SLC8A1: variants seen among roughly 807,000 people sequenced by gnomAD.
The protein encoded by SLC8A1 is sodium/calcium exchanger 1.
A neutral mutation model predicts 68.3 loss-of-function variants in SLC8A1; 18 were observed. The ratio of observed to expected loss-of-function variants is 0.26; its 90% confidence interval spans 0.18 to 0.39. The LOEUF (loss-of-function observed/expected upper bound fraction) is 0.39, where lower values mean the gene tolerates loss of function less well. Among genes scored for constraint, SLC8A1 ranks in the 10% least tolerant of loss-of-function variants. The probability of loss-of-function intolerance (pLI) is 1.00; values close to 1 mark genes in which losing one functional copy is unlikely to be tolerated. For synonymous variants in SLC8A1, 475 were observed against 415.5 expected (o/e 1.14, Z -1.74); for missense variants, 985 against 1,156.7 (o/e 0.85, Z 2.15).
intron 2 of SLC8A1, among the ~76,000 whole-genome samples, chr2:40,200,249 T>TATAAATAA (rs1553408010): frequency 3.7e-4 from 10 of 26,990 alleles, no homozygotes; most frequent in African/African-American, 8.8e-4. Flanking sequence ...AATATATATA[T>TATAAATAA]ATATATATAT....
intron 2 of SLC8A1, among the ~76,000 whole-genome samples, chr2:40,355,514 G>A (rs934200285): frequency 2.0e-5 from 3 of 152,092 alleles, no homozygotes; most frequent in Non-Finnish European, 4.4e-5. Context: ...TAAATATCCT[G>A]AGAAAGATCA....
At chr2:40,432,045 C>G (rs555935273) in intron 1 of SLC8A1, among the ~76,000 whole-genome samples, 2 of 152,122 alleles carry the variant, frequency 1.3e-5, no homozygotes, top group East Asian at 3.9e-4. Flanking sequence ...TCAAAATATG[C>G]AAAAGTTCTG....
intron 2 of SLC8A1, among the ~76,000 whole-genome samples, chr2:40,268,671 G>A (rs1450281228): frequency 6.6e-6 from 1 of 152,130 alleles, no homozygotes; most frequent in Non-Finnish European, 1.5e-5. Flanking sequence ...GGTCACAGTT[G>A]GTAGGCTACT....
exon 8 of SLC8A1, chr2:40,108,132 A>C (rs2034327841): frequency 6.6e-6 from 1 of 152,222 alleles, no homozygotes; most frequent in Non-Finnish European, 1.5e-5. Flanking sequence ...TCAGCCTTTC[A>C]TAAATGAAAT....
chr2:40,386,256 ATTTT>A (rs2149576871), intron 2 of SLC8A1, among the ~76,000 whole-genome samples: 2 of 151,358 alleles, frequency 1.3e-5, no homozygotes, highest in East Asian at 3.9e-4. Flanking sequence ...AATTTATATT[ATTTT>A]ATTTTAGTTT....
At chr2:40,469,902 A>G (rs1703906505) in intron 1 of SLC8A1, among the ~76,000 whole-genome samples, 1 of 152,188 alleles carries the variant, frequency 6.6e-6, no homozygotes, top group South Asian at 2.1e-4. Flanking sequence ...GAATGTTTTC[A>G]GCAACCATTG....
chr2:40,245,268 T>A (rs185383512), intron 2 of SLC8A1, among the ~76,000 whole-genome samples: 1 of 114,194 alleles, frequency 8.8e-6, no homozygotes, highest in East Asian at 2.6e-4. Flanking sequence ...ACTCAGCTCT[T>A]TAGTTTGGGA....
At chr2:40,270,786 C>T (rs949219919) in intron 2 of SLC8A1, among the ~76,000 whole-genome samples, 5 of 152,052 alleles carry the variant, frequency 3.3e-5, no homozygotes, top group African/African-American at 1.2e-4. Flanking sequence ...TTCCACTTAC[C>T]ACAGGTGGTA....
At position 40,117,273 on chromosome 2, in the gene SLC8A1, G is replaced by A. The variant is rs564997354; in HGVS notation, c.2438-1644C>T. Among the ~76,000 whole-genome samples the A allele has an allele frequency of 6.0e-4, 91 of 151,668 alleles. 1 individual carries two copies. The South Asian group carries it at 9.6e-3, about 16-fold the overall frequency. On this transcript the variant is annotated intron_variant, in intron 7 of 7. Transcript: ENST00000406785. ...TTACATCAAAGTCCTGGCTGGGCAC[G>A]GTAGCTCATGCCTATAATCCCAGTA...
chr2:40,473,799 G>C (rs1576631956), intron 1 of SLC8A1, among the ~76,000 whole-genome samples: 1 of 152,076 alleles, frequency 6.6e-6, no homozygotes, highest in Non-Finnish European at 1.5e-5. Flanking sequence ...CCCAGTGGTG[G>C]GGAACTCATT....
intron 2 of SLC8A1, among the ~76,000 whole-genome samples, chr2:40,186,081 A>C (rs896379208): frequency 6.6e-6 from 1 of 152,180 alleles, no homozygotes; most frequent in Non-Finnish European, 1.5e-5. Flanking sequence ...CTGTTACCTC[A>C]GGCTGGCTTC....
rs2065426606 is a variant in SLC8A1, at chr2:40,266,903, G to T, written c.1809-89048C>A. On this transcript the variant is annotated intron_variant, in intron 2 of 7. Transcript: ENST00000406785. ...GGCTTATTAGGAAATAGCTTGAACT[G>T]GTATGACTGAGGATGAAACATCTTG... Among the ~76,000 whole-genome samples the T allele has an allele frequency of 2.0e-5, 3 of 152,254 alleles. No homozygotes were observed. The South Asian group carries it at 6.2e-4, about 32-fold the overall frequency.
At chr2:40,384,243 C>T (rs989624187) in intron 2 of SLC8A1, among the ~76,000 whole-genome samples, 1 of 151,930 alleles carries the variant, frequency 6.6e-6, no homozygotes, top group South Asian at 2.1e-4. Context: ...GGAGACCGAG[C>T]AAGACCCTGT....
At chr2:40,252,704 AG>A (rs540324365) in intron 2 of SLC8A1, among the ~76,000 whole-genome samples, 203 of 148,850 alleles carry the variant, frequency 1.4e-3, no homozygotes, top group African/African-American at 5.1e-3. Flanking sequence ...CTTGCTTAGA[AG>A]GGGGATAAAA....
At chr2:40,175,972 A>C in intron 3 of SLC8A1, 1 of 450,754 alleles carries the variant, frequency 2.2e-6, no homozygotes. Flanking sequence ...ACATTATTAG[A>C]TAACCAGAAT....
At chr2:40,382,892 T>C (rs377019855) in intron 2 of SLC8A1, among the ~76,000 whole-genome samples, 2 of 152,082 alleles carry the variant, frequency 1.3e-5, no homozygotes, top group South Asian at 4.2e-4. Flanking sequence ...GATTCTATTA[T>C]AATTATGTCT....
chr2:40,224,602 G>A (rs1045036864), intron 2 of SLC8A1, among the ~76,000 whole-genome samples: 2 of 152,054 alleles, frequency 1.3e-5, no homozygotes, highest in African/African-American at 4.8e-5. Context: ...TTGCCTACCT[G>A]TTTCAACCCA....
intron 2 of SLC8A1, among the ~76,000 whole-genome samples, chr2:40,379,689 C>G (rs573445631): frequency 2.3e-4 from 35 of 151,878 alleles, no homozygotes; most frequent in African/African-American, 8.2e-4. Flanking sequence ...ACCGCATCAC[C>G]ATCACCTTTG....
At chr2:40,425,676 T>C (rs1191940398) in intron 2 of SLC8A1, among the ~76,000 whole-genome samples, 5 of 151,928 alleles carry the variant, frequency 3.3e-5, no homozygotes, top group Non-Finnish European at 7.4e-5. Flanking sequence ...TTTGATGAGA[T>C]ATAAATTCAT....
Sources: gnomAD v4.1 joint callset for allele counts (sites outside exome capture counted in the v4.1 genomes callset) on GRCh38, gnomAD v4.1.1 for gene constraint, MANE v1.5 for transcripts, NCBI Gene and HGNC (gene_info 2026-07-23, HGNC 2026-07-21) for gene names.